GALNT13: variants seen among roughly 807,000 people sequenced by gnomAD.
GALNT13 encodes the protein polypeptide N-acetylgalactosaminyltransferase 13.
GALNT13 carries 28 observed loss-of-function variants against 64.2 expected under a neutral mutation model. The ratio of observed to expected loss-of-function variants is 0.44; its 90% CI spans 0.32 to 0.60. The LOEUF (loss-of-function observed/expected upper bound fraction) is 0.60. GALNT13 is among the 20% of genes least tolerant of loss of function. The pLI is 0.05. For synonymous variants in GALNT13, 214 were observed against 224.6 expected (o/e 0.95, Z 0.42); for missense variants, 577 against 669.8 (o/e 0.86, Z 1.53).
chr2:153,811,234 C>T, the GALNT13 span, among the ~76,000 whole-genome samples: 3 of 152,090 alleles, frequency 2.0e-5, no homozygotes, highest in African/African-American at 7.2e-5. Flanking sequence ...GATCTAATGA[C>T]CTCTCTACTT....
intron 8 of GALNT13, among the ~76,000 whole-genome samples, chr2:154,275,582 G>C (rs370848586): frequency 6.6e-6 from 1 of 152,178 alleles, no homozygotes; most frequent in African/African-American, 2.4e-5. Flanking sequence ...AGGATGTGTG[G>C]AAATGCCTAG....
chr2:153,464,769 A>G, the GALNT13 span, among the ~76,000 whole-genome samples: 2 of 152,126 alleles, frequency 1.3e-5, no homozygotes, highest in African/African-American at 4.8e-5. Context: ...CTCGGGTCTT[A>G]GGATTCCATG....
chr2:153,848,451 A>C, the GALNT13 span, among the ~76,000 whole-genome samples: 1 of 152,062 alleles, frequency 6.6e-6, no homozygotes, highest in African/African-American at 2.4e-5. Context: ...ACAGTAAATT[A>C]AATGCAAAGA....
intron 3 of GALNT13, among the ~76,000 whole-genome samples, chr2:153,953,306 T>TA (rs1484128275): frequency 6.6e-6 from 1 of 152,188 alleles, no homozygotes; most frequent in African/African-American, 2.4e-5. Context: ...AGAAAAAAGA[T>TA]ACATACATTA....
At chr2:153,741,641 G>A in the GALNT13 span, among the ~76,000 whole-genome samples, 1 of 151,920 alleles carries the variant, frequency 6.6e-6, no homozygotes, top group Admixed American at 6.6e-5. Flanking sequence ...TGATTTCAAT[G>A]TTGCTACTGT....
chr2:153,144,763 G>A, the GALNT13 span, among the ~76,000 whole-genome samples: 86 of 151,906 alleles, frequency 5.7e-4, no homozygotes, highest in African/African-American at 2.0e-3. Flanking sequence ...TAAGGCAATG[G>A]GCTCTGAAGT....
chr2:153,515,466 T>C, the GALNT13 span, among the ~76,000 whole-genome samples: 1 of 152,200 alleles, frequency 6.6e-6, no homozygotes, highest in South Asian at 2.1e-4. Flanking sequence ...CAGCAAGCAC[T>C]GAACAATCTT....
chr2:153,887,391 G>T (rs572884428), intron 1 of GALNT13, among the ~76,000 whole-genome samples: 2 of 150,938 alleles, frequency 1.3e-5, no homozygotes, highest in East Asian at 2.0e-4. Flanking sequence ...CTAAGACCTG[G>T]AAGAGTTATT....
chr2:154,136,104 G>A (rs1055847826), intron 3 of GALNT13, among the ~76,000 whole-genome samples: 1 of 152,138 alleles, frequency 6.6e-6, no homozygotes, highest in Admixed American at 6.5e-5. Context: ...AAAAGTCAGT[G>A]TTTCTAATTT....
chr2:153,807,763 T>C, the GALNT13 span, among the ~76,000 whole-genome samples: 1 of 152,154 alleles, frequency 6.6e-6, no homozygotes. Context: ...TCCATAGTCT[T>C]GAGACGCTGG....
the GALNT13 span, among the ~76,000 whole-genome samples, chr2:153,361,876 C>G: frequency 1.3e-5 from 2 of 152,050 alleles, no homozygotes; most frequent in African/African-American, 4.8e-5. Context: ...ACAGAGAACA[C>G]CACTAGGATA....
the GALNT13 span, among the ~76,000 whole-genome samples, chr2:153,483,473 A>G: frequency 1.5e-5 from 2 of 133,010 alleles, no homozygotes; most frequent in Non-Finnish European, 3.1e-5. Flanking sequence ...CTGGAGTGCA[A>G]TGGCGCAATC....
At chr2:153,129,729 C>T in the GALNT13 span, among the ~76,000 whole-genome samples, 1 of 151,790 alleles carries the variant, frequency 6.6e-6, no homozygotes, top group South Asian at 2.1e-4. Flanking sequence ...AAGATCGTGC[C>T]ACTGCACTCC....
the GALNT13 span, among the ~76,000 whole-genome samples, chr2:153,367,296 A>T: frequency 6.6e-6 from 1 of 152,136 alleles, no homozygotes; most frequent in African/African-American, 2.4e-5. Context: ...GGAATTAGAA[A>T]TATACCAATA....
the GALNT13 span, among the ~76,000 whole-genome samples, chr2:153,786,272 G>C: frequency 1.3e-5 from 2 of 152,116 alleles, no homozygotes; most frequent in Admixed American, 1.3e-4. Context: ...CAGTCCTTGG[G>C]ATGGGGAAAG....
At chr2:153,882,703 C>A (rs1168990412) in intron 1 of GALNT13, among the ~76,000 whole-genome samples, 2 of 151,152 alleles carry the variant, frequency 1.3e-5, no homozygotes, top group African/African-American at 2.4e-5. Flanking sequence ...TAGCTCACTA[C>A]ATGTAACCTC....
At chr2:154,332,418 T>C (rs944901535) in intron 9 of GALNT13, among the ~76,000 whole-genome samples, 1 of 152,062 alleles carries the variant, frequency 6.6e-6, no homozygotes, top group Non-Finnish European at 1.5e-5. Flanking sequence ...TGCCCCTTGC[T>C]ATCCCACAAA....
rs529220252 is a variant in GALNT13 at position 154,362,107 on chromosome 2, C to A, written c.1157-33884C>A. On this transcript the variant is annotated intron_variant, in intron 9 of 12. Transcript: ENST00000392825. ...GAGTAAAGAAGGCAATGAAGATAAA[C>A]AACTGAGTGTCCACAGGAACTGGTG... Among the ~76,000 whole-genome samples, 21 of 109,804 alleles carry A rather than the reference C, an allele frequency of 1.9e-4. 2 individuals are homozygous for A. The South Asian group carries it at 6.0e-3, about 31-fold the overall frequency. 72.0% of individuals were successfully genotyped at this position (109,804 alleles called of 152,430 possible). A position where few individuals can be genotyped will look rare whatever the true frequency, so the allele number is the denominator to read the frequency against.
the GALNT13 span, among the ~76,000 whole-genome samples, chr2:153,407,156 T>A: frequency 6.6e-6 from 1 of 152,150 alleles, no homozygotes. Flanking sequence ...AGTATCAACA[T>A]CACCTGGGAA....
Sources: gnomAD v4.1 joint callset for allele counts (sites outside exome capture counted in the v4.1 genomes callset) on GRCh38, gnomAD v4.1.1 for gene constraint, MANE v1.5 for transcripts, NCBI Gene and HGNC (gene_info 2026-07-23, HGNC 2026-07-21) for gene names.